The following JARID2 variants were observed in gnomAD, a reference collection of about 807,000 sequenced individuals.
The protein encoded by JARID2 is protein Jumonji.
In JARID2, 21 loss-of-function variants were observed where a neutral mutation model predicts 125.6. That is an observed-to-expected ratio of 0.17 (90% CI 0.12 to 0.24). The LOEUF (loss-of-function observed/expected upper bound fraction) is 0.24. JARID2 is among the 10% of genes least tolerant of loss of function. The pLI, the probability that JARID2 is intolerant of heterozygous loss-of-function variation, is 1.00. For synonymous variants in JARID2, 736 were observed against 661.6 expected (o/e 1.11, Z -1.73); for missense variants, 1,303 against 1,639.6 (o/e 0.79, Z 3.55).
intron 1 of JARID2, among the ~76,000 whole-genome samples, chr6:15,349,040 T>C (rs574574343): frequency 6.6e-6 from 1 of 152,256 alleles, no homozygotes; most frequent in East Asian, 1.9e-4. Context: ...AAGGGAAAAA[T>C]GTTTTCACTG....
At chr6:15,267,008 GC>G (rs1262206354) in intron 1 of JARID2, among the ~76,000 whole-genome samples, 2 of 152,290 alleles carry the variant, frequency 1.3e-5, no homozygotes, top group African/African-American at 4.8e-5. Flanking sequence ...GCACAACTGT[GC>G]CCCTTTCATT....
intron 2 of JARID2, among the ~76,000 whole-genome samples, chr6:15,382,284 A>C (rs1032468045): frequency 2.0e-5 from 3 of 152,150 alleles, no homozygotes; most frequent in African/African-American, 7.2e-5. Context: ...AAAAACCCCA[A>C]ACGAGTGTAT....
chr6:15,502,664 A>AG (rs1406863492), intron 8 of JARID2, among the ~76,000 whole-genome samples: 1 of 152,178 alleles, frequency 6.6e-6, no homozygotes, highest in Admixed American at 6.5e-5. Flanking sequence ...CTTTAAGTCC[A>AG]GGCCCTGCAG....
At chr6:15,437,641 G>GT (rs950469307) in intron 3 of JARID2, among the ~76,000 whole-genome samples, 16 of 147,568 alleles carry the variant, frequency 1.1e-4, no homozygotes, top group Non-Finnish European at 1.4e-4. Flanking sequence ...TAGCAACAGG[G>GT]AAAAAAAAAA....
At chr6:15,423,379 C>A (rs141247831) in intron 3 of JARID2, among the ~76,000 whole-genome samples, 5 of 152,152 alleles carry the variant, frequency 3.3e-5, no homozygotes, top group Non-Finnish European at 7.4e-5. Flanking sequence ...GTGGTTTTGG[C>A]TTTTGGGAAG....
rs571384821 is a variant in JARID2, at chr6:15,262,594, G to C, written c.45+16010G>C. On this transcript the variant is annotated intron_variant, in intron 1 of 17. Transcript: ENST00000341776. ...CTAGCCCAGGCTGGAGTGCAGTGGC[G>C]CAATCTTGGCTCACTGCAACCTCCA... Among the ~76,000 whole-genome samples the C allele has an allele frequency of 6.1e-5, 9 of 147,666 alleles. No homozygotes were observed. In the East Asian group the frequency reaches 1.8e-3, roughly 30 times the overall value.
intron 1 of JARID2, among the ~76,000 whole-genome samples, chr6:15,340,235 G>A (rs978984796): frequency 1.8e-4 from 27 of 152,168 alleles, no homozygotes; most frequent in South Asian, 4.1e-4. Context: ...TGCCTTTGAA[G>A]TGCTGAGCAT....
intron 1 of JARID2, among the ~76,000 whole-genome samples, chr6:15,276,417 T>C (rs1760523031): frequency 6.6e-6 from 1 of 152,216 alleles, no homozygotes; most frequent in Non-Finnish European, 1.5e-5. Flanking sequence ...GTTATACATA[T>C]ATAACTGTCT....
At chr6:15,504,686 G>T in intron 9 of JARID2, 94 bp downstream of exon 9, 1 of 794,662 alleles carries the variant, frequency 1.3e-6, no homozygotes. Context: ...CCTGCAGCTC[G>T]GTGAACGGAA....
chr6:15,442,109 T>TG (rs201011890), intron 3 of JARID2, among the ~76,000 whole-genome samples: 4 of 150,034 alleles, frequency 2.7e-5, no homozygotes, highest in East Asian at 1.9e-4. Context: ...TCTTGCATTT[T>TG]GAAAAAAAAA....
intron 17 of JARID2, among the ~76,000 whole-genome samples, chr6:15,518,294 C>T (rs943623937): frequency 6.6e-6 from 1 of 152,204 alleles, no homozygotes; most frequent in African/African-American, 2.4e-5. Flanking sequence ...GTACCTCTCA[C>T]CAGCAGCCTG....
At chr6:15,485,595 T>C (rs1230385479) in intron 5 of JARID2, among the ~76,000 whole-genome samples, 2 of 152,330 alleles carry the variant, frequency 1.3e-5, no homozygotes, top group East Asian at 3.9e-4. Flanking sequence ...AATCACTTTA[T>C]ACATGTATTA....
At chr6:15,428,270 A>C (rs1766817056) in intron 3 of JARID2, among the ~76,000 whole-genome samples, 1 of 151,768 alleles carries the variant, frequency 6.6e-6, no homozygotes, top group Non-Finnish European at 1.5e-5. Context: ...TTTTTGTTAG[A>C]TATATATTTT....
At chr6:15,390,214 T>C (rs1270107606) in intron 2 of JARID2, among the ~76,000 whole-genome samples, 1 of 152,140 alleles carries the variant, frequency 6.6e-6, no homozygotes, top group African/African-American at 2.4e-5. Flanking sequence ...AGAAACCCAA[T>C]GTGAGTGCGC....
chr6:15,342,197 T>C (rs1051115640), intron 1 of JARID2, among the ~76,000 whole-genome samples: 5 of 152,212 alleles, frequency 3.3e-5, no homozygotes, highest in Admixed American at 6.5e-5. Flanking sequence ...CATCTTTCCT[T>C]GTAATTGGGT....
At chr6:15,355,976 T>TC (rs1455677609) in intron 1 of JARID2, among the ~76,000 whole-genome samples, 1 of 152,054 alleles carries the variant, frequency 6.6e-6, no homozygotes, top group African/African-American at 2.4e-5. Context: ...TTAGCAGTAG[T>TC]CCCCCCTCCT....
At chr6:15,494,512 C>T (rs1206433412) in intron 6 of JARID2, among the ~76,000 whole-genome samples, 2 of 143,684 alleles carry the variant, frequency 1.4e-5, no homozygotes, top group Non-Finnish European at 3.0e-5. Flanking sequence ...GGGTTCACGC[C>T]GTTCTTCTGC....
At chr6:15,518,235 G>A (rs1341978485) in intron 17 of JARID2, among the ~76,000 whole-genome samples, 3 of 152,178 alleles carry the variant, frequency 2.0e-5, no homozygotes, top group African/African-American at 4.8e-5. Flanking sequence ...GCGGCGGCAC[G>A]GGGAGGCTTC....
chr6:15,304,515 G>T (rs1006077693), intron 1 of JARID2, among the ~76,000 whole-genome samples: 2 of 152,086 alleles, frequency 1.3e-5, no homozygotes, highest in African/African-American at 4.8e-5. Flanking sequence ...GAAGCAGCCA[G>T]ACAATCATCG....
Sources: gnomAD v4.1 joint callset for allele counts (sites outside exome capture counted in the v4.1 genomes callset) on GRCh38, gnomAD v4.1.1 for gene constraint, MANE v1.5 for transcripts, NCBI Gene and HGNC (gene_info 2026-07-23, HGNC 2026-07-21) for gene names.